Variants in ATP10A observed in about 807,000 individuals in gnomAD.
ATP10A encodes ATPase phospholipid transporting 10A (putative), also known as phospholipid-transporting ATPase VA.
Under a neutral mutation model 147.8 loss-of-function variants are expected in ATP10A, and 111 were observed. The observed-to-expected ratio is 0.75, with a 90% CI of 0.64 to 0.88. ATP10A has a LOEUF of 0.88. Ranked by LOEUF, ATP10A falls within the 40% of genes least tolerant of loss-of-function variation. The pLI is 0.00. For synonymous variants in ATP10A, 875 were observed against 841.6 expected, an observed-to-expected ratio of 1.04 and a Z score of -0.69; for missense variants, 1,927 against 1,959.0, an observed-to-expected ratio of 0.98 and a Z score of 0.31.
chr15:25,832,474 A>G (rs2140873143), intron 1 of ATP10A, among the ~76,000 whole-genome samples: 1 of 152,342 alleles, frequency 6.6e-6, no homozygotes, highest in South Asian at 2.1e-4. Flanking sequence ...CCATTGTCGC[A>G]GTCTAAAATT....
At chr15:25,714,965 TACACAC>T (rs10523875) in intron 9 of ATP10A, among the ~76,000 whole-genome samples, 3,478 of 145,678 alleles carry the variant, frequency 0.024, 46 homozygotes, top group African/African-American at 0.032. Context: ...ATGACACATA[TACACAC>T]ACACACACAC....
At chr15:25,752,852 G>A (rs1888225436) in intron 2 of ATP10A, among the ~76,000 whole-genome samples, 1 of 151,986 alleles carries the variant, frequency 6.6e-6, no homozygotes, top group African/African-American at 2.4e-5. Context: ...ACGTTTTATA[G>A]TTTTCAGTAT....
chr15:25,791,015 T>C (rs530049766), intron 1 of ATP10A, among the ~76,000 whole-genome samples: 1 of 152,024 alleles, frequency 6.6e-6, no homozygotes, highest in South Asian at 2.1e-4. Flanking sequence ...TCCGTCAGTA[T>C]CTAAGAGTCT....
chr15:25,680,934 T>C lies in ATP10A; in HGVS notation c.3574-20A>G. Reference sequence around the variant, plus strand: ...GTAGGCCTGAAAGACAGTGGGGTCCTGGATCTGTAGGTCCCCGGATCCAGC... The same window carrying C: ...GTAGGCCTGAAAGACAGTGGGGTCCCGGATCTGTAGGTCCCCGGATCCAGC... On this transcript the variant is annotated intron_variant, in intron 18 of 20. Transcript: ENST00000555815. 6.2e-7 allele frequency: 1 copy of C among 1,613,860 alleles called. No individual in the cohort carries two copies. Among genetic ancestry groups the C allele is most frequent in the Non-Finnish European group, 8.5e-7 (1 of 1,179,774 alleles).
At chr15:25,706,508 C>T (rs1901028193) in intron 12 of ATP10A, among the ~76,000 whole-genome samples, 1 of 152,230 alleles carries the variant, frequency 6.6e-6, no homozygotes, top group Admixed American at 6.5e-5. Flanking sequence ...TCCGATCAGC[C>T]TGCATGACCA....
At chr15:25,699,032 T>C (rs781455340) in intron 13 of ATP10A, among the ~76,000 whole-genome samples, 1 of 152,200 alleles carries the variant, frequency 6.6e-6, no homozygotes, top group Non-Finnish European at 1.5e-5. Context: ...AATTGATTTA[T>C]AAATTTAACA....
At chr15:25,766,662 G>A in intron 2 of ATP10A, among the ~76,000 whole-genome samples, 1 of 151,888 alleles carries the variant, frequency 6.6e-6, no homozygotes. Flanking sequence ...TACATGCACT[G>A]AGGAACCACA....
At chr15:25,725,498 T>C (rs1902488943) in intron 5 of ATP10A, among the ~76,000 whole-genome samples, 1 of 152,270 alleles carries the variant, frequency 6.6e-6, no homozygotes, top group East Asian at 1.9e-4. Context: ...CACCCAGGCG[T>C]TTCCATGTGG....
chr15:25,728,407 C>T (rs888440329), intron 3 of ATP10A, among the ~76,000 whole-genome samples: 4 of 152,218 alleles, frequency 2.6e-5, no homozygotes, highest in African/African-American at 4.8e-5. Context: ...CAGCCAACGC[C>T]GTGTCTACTG....
chr15:25,771,858 T>C (rs1449961371), intron 2 of ATP10A, among the ~76,000 whole-genome samples: 4 of 151,908 alleles, frequency 2.6e-5, no homozygotes, highest in Non-Finnish European at 2.9e-5. Context: ...ATTCAAGCTA[T>C]TCTCCTGCCT....
In ATP10A at chr15:25,759,069, C is replaced by G. The variant is rs1888609865; in HGVS notation, c.654+21950G>C. Reference sequence around the variant, plus strand: ...CCGACACAGCACCAGGGGCCACGTGCGTCAGGGATAAGAACCCCTTCCCCT... The same window carrying G: ...CCGACACAGCACCAGGGGCCACGTGGGTCAGGGATAAGAACCCCTTCCCCT... On this transcript the variant is annotated intron_variant, in intron 2 of 20. Coordinates refer to ENST00000555815, the MANE Select transcript of ATP10A (RefSeq NM_024490.4). Among the ~76,000 whole-genome samples, 4 of 152,238 alleles carry G rather than the reference C, an allele frequency of 2.6e-5. No homozygotes were observed. The South Asian group carries it at 8.3e-4, about 31-fold the overall frequency.
chr15:25,854,328 A>G (rs924601011), intron 1 of ATP10A, among the ~76,000 whole-genome samples: 2 of 152,250 alleles, frequency 1.3e-5, no homozygotes, highest in African/African-American at 4.8e-5. Context: ...AGAATAAAAC[A>G]AATTTCCAGT....
Position 25,679,671 on chromosome 15 carries a change from T to C in ATP10A, c.4170A>G (p.Ala1390=), listed in dbSNP as rs1899271081. ...CTGGCGCAGAGGACATGGGGGCCGG[T>C]GCGCTCAGCCCCTCCAGCAGGGTGT... is the stretch of plus-strand genomic sequence containing the variant. ...REHTLLEGLS[A]PAPMSSAPGE... The change falls in exon 21 of 21, where the codon GCA becomes GCG. Residue 1390 remains alanine, a synonymous_variant. Transcript: ENST00000555815. 1 of 1,613,082 alleles carries C rather than the reference T, an allele frequency of 6.2e-7. No individual in the cohort carries two copies. Among genetic ancestry groups the C allele is most frequent in the African/African-American group, 1.3e-5 (1 of 74,888 alleles).
chr15:25,714,207 T>C lies in ATP10A; in HGVS notation c.1811A>G (p.Lys604Arg). Residue 604 changes from lysine (K) to arginine (R), a missense_variant, in exon 10 of 21, where the codon AAG becomes AGG. Transcript: ENST00000555815. ...CCTCCGCAGGAAGTCTTCTATCGTC[T>C]TCACCGGGGACTTCAGCTCAAACCT... ...RVRFELKSPV[K>R]TIEDFLRRFT... 1 of 1,602,022 alleles carries C rather than the reference T, an allele frequency of 6.2e-7. No individual in the cohort carries two copies. Among genetic ancestry groups the C allele is most frequent in the Non-Finnish European group, 8.5e-7 (1 of 1,179,960 alleles).
chr15:25,705,056 G>T (rs558605414), intron 12 of ATP10A, among the ~76,000 whole-genome samples: 264 of 152,340 alleles, frequency 1.7e-3, no homozygotes, highest in Non-Finnish European at 3.2e-3. Context: ...CCTGCCCAGA[G>T]CATTAAGGAA....
chr15:25,764,701 T>G (rs1888934353), intron 2 of ATP10A, among the ~76,000 whole-genome samples: 1 of 152,240 alleles, frequency 6.6e-6, no homozygotes, highest in Admixed American at 6.5e-5. Flanking sequence ...CATTACAGTA[T>G]TAGGAACAGA....
intron 12 of ATP10A, among the ~76,000 whole-genome samples, chr15:25,706,872 C>T (rs958110301): frequency 1.3e-4 from 20 of 152,226 alleles, no homozygotes; most frequent in Non-Finnish European, 1.0e-4. Flanking sequence ...CAGCAGATGC[C>T]TCCTACCCCA....
chr15:25,744,326 ATG>A lies in ATP10A; in HGVS notation c.655-8187_655-8186del, dbSNP rs1325375940. Among the ~76,000 whole-genome samples, 11 of 152,222 alleles carry A rather than the reference ATG, an allele frequency of 7.2e-5. No individual in the cohort carries two copies. The East Asian group carries it at 2.1e-3, about 29-fold the overall frequency. The stretch of plus-strand genomic sequence containing the variant: ...AAACCAGCAAAAGTCTTCTTTATAT[ATG>A]TGTGTCTGTGTGTGCACATGTATGT... On this transcript the variant is annotated intron_variant, in intron 2 of 20. Coordinates refer to ENST00000555815, the MANE Select transcript of ATP10A (RefSeq NM_024490.4).
intron 1 of ATP10A, among the ~76,000 whole-genome samples, chr15:25,815,349 C>CT (rs1891604513): frequency 6.6e-6 from 1 of 152,182 alleles, no homozygotes; most frequent in Non-Finnish European, 1.5e-5. Flanking sequence ...CTCACACACT[C>CT]TAAGCCTGTT....
Sources: allele counts gnomAD v4.1 joint callset (sites outside exome capture counted in the v4.1 genomes callset), GRCh38; gene constraint gnomAD v4.1.1; transcripts MANE v1.5; gene names NCBI Gene and HGNC (gene_info 2026-07-23, HGNC 2026-07-21).